Variants in ZNF17 observed in about 807,000 individuals in gnomAD.
The protein encoded by ZNF17 is zinc finger protein 17 (HPF3, KOX 10).
ZNF17 carries 4 observed loss-of-function variants against 7.7 expected under a neutral mutation model. The observed-to-expected ratio is 0.52, with a 90% CI of 0.26 to 1.20. The LOEUF is 1.20. Ranked by LOEUF, ZNF17 falls within the 50% of genes most tolerant of loss-of-function variation. ZNF17 has a pLI of 0.14. For synonymous variants in ZNF17, 249 were observed against 258.8 expected (o/e 0.96, Z 0.36); for missense variants, 738 against 799.5 (o/e 0.92, Z 0.93).
At chr19:57,418,558 C>T (rs2088826191) in intron 3 of ZNF17, among the ~76,000 whole-genome samples, 1 of 152,188 alleles carries the variant, frequency 6.6e-6, no homozygotes, top group Non-Finnish European at 1.5e-5. Context: ...TTTCCCCTAG[C>T]TTGGCTAACG....
intron 1 of ZNF17, among the ~76,000 whole-genome samples, chr19:57,412,062 G>GA (rs1037718743): frequency 4.6e-5 from 7 of 152,054 alleles, no homozygotes; most frequent in East Asian, 1.9e-4. Context: ...CAGATCATGG[G>GA]TGGGTCCATA....
intron 2 of ZNF17, among the ~76,000 whole-genome samples, chr19:57,414,093 G>C (rs1248111646): frequency 3.9e-5 from 6 of 152,100 alleles, no homozygotes; most frequent in Non-Finnish European, 5.9e-5. Context: ...GAGTGCAGTG[G>C]CGCGATCTCA....
At chr19:57,413,362 A>C (rs768700962) in intron 1 of ZNF17, 6 of 528,866 alleles carry the variant, frequency 1.1e-5, no homozygotes, top group Non-Finnish European at 2.0e-5. Context: ...TGTACTACTT[A>C]TATTTGATGC....
At position 57,413,842 on chromosome 19, in the gene ZNF17, T is replaced by A. The variant is rs2088794075; in HGVS notation, c.21+206T>A. Reference sequence around the variant, plus strand: ...AGTTCTCACAACTGATGGTTTGAGATTTGGCAAGGCATCTCAAACACAGGA... The same window carrying A: ...AGTTCTCACAACTGATGGTTTGAGAATTGGCAAGGCATCTCAAACACAGGA... On this transcript the variant is annotated intron_variant, in intron 2 of 3. Transcript: ENST00000307658. Among the ~76,000 whole-genome samples the A allele has an allele frequency of 2.6e-5, 4 of 152,060 alleles. No homozygotes were observed. The South Asian group carries it at 8.3e-4, about 32-fold the overall frequency.
chr19:57,421,064 G>T lies in ZNF17; in HGVS notation c.1578G>T (p.Arg526Ser), dbSNP rs1262537023. ...DTHQRIHTGE[R>S]PYECSECGKF... The stretch of plus-strand genomic sequence containing the variant: ...ATCAGAGAATTCACACTGGTGAAAG[G>T]CCTTATGAGTGTAGTGAATGTGGGA... The change falls in exon 4 of 4, where the codon AGG becomes AGT. Residue 526 changes from arginine (R) to serine (S), a missense_variant. By Grantham distance (110) the Arg-to-Ser change is moderately radical. Transcript: ENST00000307658. 1 of 1,614,140 alleles carries T rather than the reference G, an allele frequency of 6.2e-7. No homozygotes were observed. Among genetic ancestry groups the T allele is most frequent in the Non-Finnish European group, 8.5e-7 (1 of 1,180,010 alleles).
At chr19:57,417,821 T>C in intron 2 of ZNF17, 91 bp from the exon 3 acceptor site, 9 of 1,488,810 alleles carry the variant, frequency 6.0e-6, no homozygotes, top group Non-Finnish European at 2.7e-6. Flanking sequence ...CACTCCAGCC[T>C]GGCAACAGAG....
At position 57,421,126 on chromosome 19, in the gene ZNF17, G is replaced by A. The variant is rs78230015; in HGVS notation, c.1640G>A (p.Arg547Gln). The A allele has an allele frequency of 3.4e-4, 541 of 1,613,800 alleles. No individual in the cohort carries two copies. Among genetic ancestry groups the A allele is most frequent in the Non-Finnish European group, 4.0e-4 (467 of 1,179,676 alleles). The change falls in exon 4 of 4, where the codon CGG (arginine) becomes CAG (glutamine). Residue 547 changes from arginine to glutamine, a missense_variant. Arg to Gln is a conservative substitution (Grantham distance 43). Transcript: ENST00000307658. ...FRHNSNHIRH[R>Q]RNHFGERSFE... ...CACAACTCAAATCATATTAGACATC[G>A]GAGAAATCACTTTGGAGAAAGGTCT...
rs377072580 is a variant in ZNF17, at chr19:57,421,375, A to C, written c.1889A>C (p.His630Pro). 9 of 1,614,098 alleles carry C rather than the reference A, an allele frequency of 5.6e-6. No individual in the cohort carries two copies. Among genetic ancestry groups the C allele is most frequent in the African/African-American group, 2.7e-5 (2 of 74,942 alleles). ...AGATACAACTCCAGCCTCATTAAAC[A>C]TCGGAGAATTCACACTGGAGAGAGA... The part of the protein sequence containing the change: ...VFRYNSSLIK[H>P]RRIHTGERPY... The change falls in exon 4 of 4, where the codon CAT becomes CCT. Residue 630 changes from histidine to proline, a missense_variant. Transcript: ENST00000307658.
Position 57,419,952 on chromosome 19 carries a change from A to C in ZNF17, c.466A>C (p.Lys156Gln). 1 of 1,614,192 alleles carries C rather than the reference A, an allele frequency of 6.2e-7. No homozygotes were observed. Among genetic ancestry groups the C allele is most frequent in the Non-Finnish European group, 8.5e-7 (1 of 1,180,024 alleles). ...KRNLTCMQGG[K>Q]DFTGDSDLQQ... ...GAACCTCACATGCATGCAGGGTGGC[A>C]AGGATTTTACTGGTGATTCAGATCT... Residue 156 changes from lysine to glutamine, a missense_variant, in exon 4 of 4, where the codon AAG (lysine) becomes CAG (glutamine). Coordinates refer to ENST00000307658, the MANE Select transcript of ZNF17 (RefSeq NM_001330617.2).
chr19:57,419,150 G>A (rs925135813), intron 3 of ZNF17: 2 of 155,420 alleles, frequency 1.3e-5, no homozygotes, highest in Middle Eastern at 3.1e-3. Context: ...CAAAGTTCTG[G>A]GATTATAGGT....
chr19:57,420,963 G>GT lies in ZNF17; in HGVS notation c.1479dup (p.His494SerfsTer8). On this transcript the variant is annotated frameshift_variant, in exon 4 of 4. Transcript: ENST00000307658. LOFTEE classifies it low-confidence loss of function (END_TRUNC). ...CTGTACACTGAAGAGTCATCAGAGA[G>GT]TTCACACTGGAGAAAGACCTTTTGA... is the stretch of plus-strand genomic sequence containing the variant. 1 of 1,614,112 alleles carries GT rather than the reference G, an allele frequency of 6.2e-7. No individual in the cohort carries two copies. Among genetic ancestry groups the GT allele is most frequent in the Non-Finnish European group, 8.5e-7 (1 of 1,180,008 alleles).
In ZNF17 at chr19:57,418,117, A is replaced by G. The variant is rs376626441; in HGVS notation, c.148+79A>G. On this transcript the variant is annotated intron_variant, in intron 3 of 3. Coordinates refer to ENST00000307658, the MANE Select transcript of ZNF17 (RefSeq NM_001330617.2). Reference sequence around the variant, plus strand: ...TTTTTCCTTGGCATCTCCGTCTCACACCAGGTCATGGATGCTGCATCCTCT... The same window carrying G: ...TTTTTCCTTGGCATCTCCGTCTCACGCCAGGTCATGGATGCTGCATCCTCT... 493 of 1,544,800 alleles carry G rather than the reference A, an allele frequency of 3.2e-4. 7 individuals are homozygous for G. The South Asian group carries it at 5.6e-3, about 17-fold the overall frequency.
intron 1 of ZNF17, 40 bp from the exon 2 acceptor site, chr19:57,413,556 C>T: frequency 6.5e-7 from 1 of 1,534,510 alleles, no homozygotes; most frequent in South Asian, 1.2e-5. Flanking sequence ...TAGGATGCTG[C>T]AATGCTGTCT....
intron 1 of ZNF17, 51 bp from the exon 2 acceptor site, chr19:57,413,545 G>A: frequency 6.5e-7 from 1 of 1,532,376 alleles, no homozygotes; most frequent in South Asian, 1.2e-5. Context: ...CAGTCAGCCT[G>A]TAGGATGCTG....
chr19:57,420,009 C>G lies in ZNF17; in HGVS notation c.523C>G (p.Pro175Ala). The G allele has an allele frequency of 6.2e-7, 1 of 1,614,166 alleles. No individual in the cohort carries two copies. The highest frequency in any genetic ancestry group is 1.1e-5 in the South Asian group (1 of 91,078). Residue 175 changes from proline to alanine, a missense_variant, in exon 4 of 4, where the codon CCA becomes GCA. By Grantham distance (27) the Pro-to-Ala change is conservative. Around this residue, in one of 3 missense-constraint regions of ZNF17, gnomAD observed 616 missense variants for 663.9 expected, o/e 0.93. Transcript: ENST00000307658. ...ACAGGCTCTTCACAGTGGGTGGAAG[C>G]CACACAGGGACACTCATGGTGTGGA... ...QQQALHSGWK[P>A]HRDTHGVEAF...
intron 2 of ZNF17, among the ~76,000 whole-genome samples, chr19:57,414,580 C>T (rs1190285029): frequency 6.6e-6 from 1 of 152,148 alleles, no homozygotes; most frequent in Non-Finnish European, 1.5e-5. Context: ...AGTGATCTGC[C>T]TGCCTCAGCC....
rs2088849979 is a variant in ZNF17, at chr19:57,421,283, CATT to C, written c.1799_1801del (p.Ile600del). On this transcript the variant is annotated inframe_deletion, in exon 4 of 4. Coordinates refer to ENST00000307658, the MANE Select transcript of ZNF17 (RefSeq NM_001330617.2). Reference sequence around the variant, plus strand: ...AATTTTTTATGGACAGCTCCACACTCATTAGTCATGAGAGAGTTCATACTGGAG... The same window carrying C: ...AATTTTTTATGGACAGCTCCACACTCAGTCATGAGAGAGTTCATACTGGAG... 7 of 1,613,700 alleles carry C rather than the reference CATT, an allele frequency of 4.3e-6. No individual in the cohort carries two copies. In the East Asian group the frequency reaches 8.9e-5, roughly 21 times the overall value.
chr19:57,421,549 C>T lies in ZNF17; in HGVS notation c.*68C>T. The stretch of plus-strand genomic sequence containing the variant: ...AATCTACTCTGATTTAGCACTGGGA[C>T]CTACGTTTTAAAAAAAGTATTCTTG... On this transcript the variant is annotated 3_prime_UTR_variant, in exon 4 of 4. Coordinates refer to ENST00000307658, the MANE Select transcript of ZNF17 (RefSeq NM_001330617.2). The T allele has an allele frequency of 6.7e-7, 1 of 1,492,848 alleles. No homozygotes were observed. The highest frequency in any genetic ancestry group is 9.0e-7 in the Non-Finnish European group (1 of 1,114,242). The allele number at this position is 1,492,848 out of a possible 1,614,324, so 92.5% of individuals were successfully genotyped here.
rs1423282653 is a variant in ZNF17, at chr19:57,419,996, C to T, written c.510C>T (p.His170=). 6.2e-7 allele frequency: 1 copy of T among 1,614,214 alleles called. No homozygotes were observed. The highest frequency in any genetic ancestry group is 8.5e-7 in the Non-Finnish European group (1 of 1,180,052). ...GDSDLQQQAL[H]SGWKPHRDTH... ...CAGATCTTCAACAACAGGCTCTTCA[C>T]AGTGGGTGGAAGCCACACAGGGACA... The change falls in exon 4 of 4, where the codon CAC becomes CAT. Residue 170 remains histidine, a synonymous_variant. Coordinates refer to ENST00000307658, the MANE Select transcript of ZNF17 (RefSeq NM_001330617.2).
Sources: allele counts gnomAD v4.1 joint callset (sites outside exome capture counted in the v4.1 genomes callset), GRCh38; gene constraint gnomAD v4.1.1; regional missense constraint gnomAD v4.1.1; transcripts MANE v1.5; gene names NCBI Gene and HGNC (gene_info 2026-07-23, HGNC 2026-07-21).